Variants in PSME4 observed in about 807,000 individuals in gnomAD.
The protein encoded by PSME4 is proteasome activator complex subunit 4.
A neutral mutation model predicts 253.9 loss-of-function variants in PSME4; 89 were observed. The ratio of observed to expected loss-of-function variants is 0.35; its 90% CI spans 0.30 to 0.42. PSME4 has a LOEUF of 0.42. PSME4 is among the 10% of genes least tolerant of loss of function. The pLI is 1.00. For synonymous variants in PSME4, 851 were observed against 759.2 expected, an observed-to-expected ratio of 1.12 and a Z score of -1.99; for missense variants, 2,014 against 2,195.2, an observed-to-expected ratio of 0.92 and a Z score of 1.65.
At chr2:53,909,458 A>G (rs749512766) in intron 21 of PSME4, among the ~76,000 whole-genome samples, 80 of 152,204 alleles carry the variant, frequency 5.3e-4, no homozygotes, top group Middle Eastern at 6.3e-3. Flanking sequence ...TATAAGTGCT[A>G]GAATAATTTT....
In PSME4 at chr2:53,898,049, A is replaced by G. The variant is rs531781224; in HGVS notation, c.3477-50T>C. The G allele has an allele frequency of 7.6e-5, 115 of 1,505,132 alleles. No individual in the cohort carries two copies. In the African/African-American group the frequency reaches 9.7e-4, roughly 13 times the overall value. The allele number at this position is 1,505,132 out of a possible 1,614,324, so 93.2% of individuals were successfully genotyped here. On this transcript the variant is annotated intron_variant, in intron 30 of 46. Transcript: ENST00000404125. ...GCATATCACACATAAAACCACTTGGAAAAAAAAAACTGTATGTGAAACACC... is the reference window on the plus strand; with the variant it reads ...GCATATCACACATAAAACCACTTGGGAAAAAAAAACTGTATGTGAAACACC...
chr2:53,956,956 G>A (rs1430740860), intron 1 of PSME4, among the ~76,000 whole-genome samples: 6 of 152,060 alleles, frequency 3.9e-5, no homozygotes, highest in African/African-American at 1.4e-4. Context: ...GTGAATCAAG[G>A]TAATTGCAAC....
chr2:53,885,357 GA>G (rs1679588517), intron 41 of PSME4, among the ~76,000 whole-genome samples: 1 of 152,170 alleles, frequency 6.6e-6, no homozygotes, highest in Admixed American at 6.5e-5. Flanking sequence ...AAAGAAGTCA[GA>G]AATGGCTAGA....
At chr2:53,916,598 C>T (rs2104447913) in intron 20 of PSME4, among the ~76,000 whole-genome samples, 1 of 152,144 alleles carries the variant, frequency 6.6e-6, no homozygotes, top group South Asian at 2.1e-4. Context: ...AACAATGGGA[C>T]CATTTATTGG....
At chr2:53,913,499 G>A (rs954457350) in intron 20 of PSME4, among the ~76,000 whole-genome samples, 5 of 152,178 alleles carry the variant, frequency 3.3e-5, no homozygotes, top group African/African-American at 9.7e-5. Context: ...GTGTATAAGT[G>A]AAAGAACATC....
intron 34 of PSME4, among the ~76,000 whole-genome samples, chr2:53,894,155 C>T (rs1680036572): frequency 6.6e-6 from 1 of 152,198 alleles, no homozygotes; most frequent in Non-Finnish European, 1.5e-5. Flanking sequence ...AAATCACTTC[C>T]ATATTTACCT....
intron 7 of PSME4, 54 bp downstream of exon 7, chr2:53,936,033 A>G: frequency 6.4e-7 from 1 of 1,568,850 alleles, no homozygotes. Context: ...AGCTGGGATT[A>G]CAGGCGCCTA....
intron 3 of PSME4, among the ~76,000 whole-genome samples, chr2:53,946,218 G>T (rs1669691566): frequency 6.6e-6 from 1 of 152,238 alleles, no homozygotes; most frequent in Non-Finnish European, 1.5e-5. Context: ...AGGCAGGAAA[G>T]TAGGACGCTT....
At chr2:53,911,433 T>C (rs965009905) in intron 20 of PSME4, among the ~76,000 whole-genome samples, 1 of 152,190 alleles carries the variant, frequency 6.6e-6, no homozygotes, top group Admixed American at 6.5e-5. Context: ...TATTTTTGCA[T>C]GATCAAAAAT....
At position 53,925,555 on chromosome 2, in the gene PSME4, G is replaced by C. The variant is rs1668524733; in HGVS notation, c.1793C>G (p.Ser598Cys). The C allele has an allele frequency of 6.4e-7, 1 of 1,552,784 alleles. No homozygotes were observed. Among genetic ancestry groups the C allele is most frequent in the East Asian group, 2.3e-5 (1 of 43,824 alleles). Residue 598 changes from serine (S) to cysteine (C), a missense_variant, in exon 14 of 47, where the codon TCC (serine) becomes TGC (cysteine). Around this residue, in one of 4 missense-constraint regions of PSME4, gnomAD observed 989 missense variants for 1,021.1 expected, o/e 0.97. Coordinates refer to ENST00000404125, the MANE Select transcript of PSME4 (RefSeq NM_014614.3). Reference sequence around the variant, plus strand: ...TGTTCTTACCATAAATATTTCTTTGGAACATTGGGTGAGGATTGTACTAAA... The same window carrying C: ...TGTTCTTACCATAAATATTTCTTTGCAACATTGGGTGAGGATTGTACTAAA... ...STFSTILTQC[S>C]KEIFMVALQK... is the part of the protein sequence containing the mutation.
chr2:53,886,279 C>T (rs1446330141), intron 40 of PSME4, among the ~76,000 whole-genome samples: 1 of 152,126 alleles, frequency 6.6e-6, no homozygotes, highest in Admixed American at 6.6e-5. Flanking sequence ...TGTGGTGTTG[C>T]ACACCTGTAG....
At chr2:53,943,563 A>G (rs1178217061) in intron 3 of PSME4, among the ~76,000 whole-genome samples, 2 of 152,198 alleles carry the variant, frequency 1.3e-5, no homozygotes, top group Non-Finnish European at 2.9e-5. Context: ...TAAATACGCC[A>G]GGTGCAGTGG....
chr2:53,936,069 C>T lies in PSME4; in HGVS notation c.834+18G>A. The T allele has an allele frequency of 6.2e-7, 1 of 1,605,956 alleles. No homozygotes were observed. Among genetic ancestry groups the T allele is most frequent in the East Asian group, 2.2e-5 (1 of 44,448 alleles). ...CCACCCCATGCCTGATAATTTTTTTCCCCAAAATGTTAATTACCTTTGGTA... is the reference window on the plus strand; with the variant it reads ...CCACCCCATGCCTGATAATTTTTTTTCCCAAAATGTTAATTACCTTTGGTA... On this transcript the variant is annotated intron_variant, in intron 7 of 46. Coordinates refer to ENST00000404125, the MANE Select transcript of PSME4 (RefSeq NM_014614.3).
chr2:53,903,164 C>G (rs1419112066), intron 27 of PSME4, among the ~76,000 whole-genome samples: 1 of 152,174 alleles, frequency 6.6e-6, no homozygotes, highest in Non-Finnish European at 1.5e-5. Flanking sequence ...TTATAATCAA[C>G]ATACATGGAA....
rs1669829680 is a variant in PSME4 at position 53,948,544 on chromosome 2, A to C, written c.384-7T>G. Reference sequence around the variant, plus strand: ...TGAAAGAAGTTCCTTTTTCCTAAAAAGTAAAATAAAATAAATACCTATGTA... The same window carrying C: ...TGAAAGAAGTTCCTTTTTCCTAAAACGTAAAATAAAATAAATACCTATGTA... On this transcript the variant is annotated splice_polypyrimidine_tract_variant and splice_region_variant and intron_variant, in intron 2 of 46. Transcript: ENST00000404125. 1 of 1,546,826 alleles carries C rather than the reference A, an allele frequency of 6.5e-7. No individual in the cohort carries two copies. The highest frequency in any genetic ancestry group is 1.4e-5 in the African/African-American group (1 of 73,420).
At chr2:53,897,000 A>G (rs774122297) in intron 31 of PSME4, 115 bp from the exon 32 acceptor site, 75 of 758,152 alleles carry the variant, frequency 9.9e-5, no homozygotes, top group Non-Finnish European at 1.6e-4. Flanking sequence ...CACCTCGCCT[A>G]TCGACATCTG....
At chr2:53,963,670 T>C (rs773472903) in intron 1 of PSME4, among the ~76,000 whole-genome samples, 10 of 152,224 alleles carry the variant, frequency 6.6e-5, no homozygotes, top group African/African-American at 9.6e-5. Context: ...TTGATCTCTG[T>C]CCATGAGATT....
At chr2:53,910,268 G>A (rs371483932) in intron 20 of PSME4, 138 bp from the exon 21 acceptor site, 2 of 687,996 alleles carry the variant, frequency 2.9e-6, no homozygotes, top group Non-Finnish European at 5.1e-6. Context: ...CATCTTCAAT[G>A]GGAAAAATCA....
chr2:53,884,162 C>G (rs1411333565), intron 41 of PSME4, among the ~76,000 whole-genome samples: 2 of 152,132 alleles, frequency 1.3e-5, no homozygotes, highest in Non-Finnish European at 2.9e-5. Flanking sequence ...TTAGTATATC[C>G]AGGTGAGATG....
Sources: gnomAD v4.1 joint callset for allele counts (sites outside exome capture counted in the v4.1 genomes callset) on GRCh38, gnomAD v4.1.1 for gene constraint, gnomAD v4.1.1 regional missense constraint, MANE v1.5 for transcripts, NCBI Gene and HGNC (gene_info 2026-07-23, HGNC 2026-07-21) for gene names.